Variants in ISOC1 observed in about 807,000 individuals in gnomAD.
The protein encoded by ISOC1 is isochorismatase domain-containing protein 1.
ISOC1 carries 33 observed loss-of-function variants against 30.0 expected under a neutral mutation model. The ratio of observed to expected loss-of-function variants is 1.10; its 90% confidence interval spans 0.83 to 1.47. ISOC1 has a LOEUF of 1.47. Among genes scored for constraint, ISOC1 ranks in the 40% most tolerant of loss-of-function variants. ISOC1 has a pLI of 0.00. For missense variants in ISOC1, 372 were observed against 388.0 expected, an observed-to-expected ratio of 0.96 and a Z score of 0.35; for synonymous variants, 178 against 159.8, an observed-to-expected ratio of 1.11 and a Z score of -0.86.
At chr5:129,098,652 C>T (rs537946498) in intron 1 of ISOC1, among the ~76,000 whole-genome samples, 1 of 152,150 alleles carries the variant, frequency 6.6e-6, no homozygotes, top group East Asian at 1.9e-4. Context: ...AGAAGGATGC[C>T]AGTGAGGGGA....
intron 4 of ISOC1, among the ~76,000 whole-genome samples, chr5:129,109,849 TAAC>T (rs965517149): frequency 1.3e-5 from 2 of 152,196 alleles, no homozygotes; most frequent in African/African-American, 4.8e-5. Context: ...CTGTAGAACA[TAAC>T]TACTGAAGAT....
At chr5:129,104,872 A>G in intron 1 of ISOC1, 84 bp from the exon 2 acceptor site, 2 of 1,403,922 alleles carry the variant, frequency 1.4e-6, no homozygotes, top group South Asian at 1.3e-5. Flanking sequence ...CAATAGGACC[A>G]TTTTTCTTCC....
rs572683536 is a variant in ISOC1, at chr5:129,094,846, C to A, written c.80C>A (p.Pro27Gln). 3 of 1,567,830 alleles carry A rather than the reference C, an allele frequency of 1.9e-6. No homozygotes were observed. The African/African-American group carries it at 4.0e-5, about 21-fold the overall frequency. Residue 27 changes from proline to glutamine, a missense_variant, in exon 1 of 5, where the codon CCG becomes CAG. Physicochemically the swap from Pro to Gln is moderately conservative, Grantham distance 76. Transcript: ENST00000173527. The part of the protein sequence containing the change: ...GGAGAPSGTV[P>Q]VLFCFSVFAR... ...GCGGGGGCGCCGTCGGGCACAGTCC[C>A]GGTGCTCTTCTGTTTCTCAGTCTTC...
intron 4 of ISOC1, 139 bp from the exon 5 acceptor site, chr5:129,112,716 A>C (rs942387222): frequency 4.8e-5 from 39 of 809,340 alleles, no homozygotes; most frequent in Admixed American, 1.5e-4. Context: ...CATCCCCATC[A>C]CTGAACTTGA....
intron 3 of ISOC1, 43 bp downstream of exon 3, chr5:129,105,431 GA>G: frequency 6.6e-7 from 1 of 1,505,560 alleles, no homozygotes; most frequent in Non-Finnish European, 9.2e-7. Context: ...ATTATTTATA[GA>G]AAACTCAATA....
intron 4 of ISOC1, among the ~76,000 whole-genome samples, chr5:129,109,665 A>T (rs1446216817): frequency 2.0e-5 from 3 of 152,194 alleles, no homozygotes; most frequent in African/African-American, 7.2e-5. Flanking sequence ...GTGGTGATTG[A>T]TAGGGAACAC....
At chr5:129,103,580 CAT>C (rs1470901700) in intron 1 of ISOC1, among the ~76,000 whole-genome samples, 1 of 152,074 alleles carries the variant, frequency 6.6e-6, no homozygotes, top group Non-Finnish European at 1.5e-5. Flanking sequence ...CAGACCAGGA[CAT>C]AGATAAAACA....
intron 1 of ISOC1, 109 bp from the exon 2 acceptor site, chr5:129,104,847 A>G (rs1288481399): frequency 1.0e-5 from 11 of 1,051,220 alleles, no homozygotes; most frequent in African/African-American, 1.6e-5. Context: ...GTAGAAATTG[A>G]CTTACTGGCT....
At chr5:129,108,495 A>G (rs913205633) in intron 4 of ISOC1, among the ~76,000 whole-genome samples, 8 of 150,392 alleles carry the variant, frequency 5.3e-5, no homozygotes, top group Admixed American at 6.6e-5. Flanking sequence ...CTCAACAAAG[A>G]CCTTTAATCC....
intron 1 of ISOC1, among the ~76,000 whole-genome samples, chr5:129,095,730 G>A (rs73232500): frequency 0.045 from 6,880 of 152,230 alleles, 526 homozygotes; most frequent in African/African-American, 0.16. Context: ...ATTCCTTCTT[G>A]AATACAAATA....
At chr5:129,101,638 A>T (rs1580787174) in intron 1 of ISOC1, among the ~76,000 whole-genome samples, 1 of 152,260 alleles carries the variant, frequency 6.6e-6, no homozygotes. Flanking sequence ...GGATTCCCTA[A>T]CATTAACATT....
rs751156628 is a variant in ISOC1 at position 129,095,023 on chromosome 5, G to A, written c.257G>A (p.Gly86Asp). ...EWGQYVDLPK[G>D]FAVSERCKVR... ...GGCCAGTACGTGGACTTGCCCAAGG[G>A]CTTCGCGGTGAGCGAGCGCTGCAAG... The change falls in exon 1 of 5, where the codon GGC becomes GAC. Residue 86 changes from glycine (G) to aspartate (D), a missense_variant. Coordinates refer to ENST00000173527, the MANE Select transcript of ISOC1 (RefSeq NM_016048.2). The A allele has an allele frequency of 1.2e-5, 19 of 1,600,560 alleles. No homozygotes were observed. Among genetic ancestry groups the A allele is most frequent in the Non-Finnish European group, 1.6e-5 (19 of 1,175,900 alleles).
At position 129,113,492 on chromosome 5, in the gene ISOC1, G is replaced by A. The variant is rs2150173009; in HGVS notation, c.*491G>A. ...ATTTACCCACAGGACTCTGAATCAT[G>A]TTACCCACTCCCCTCACAATGTTGT... On this transcript the variant is annotated 3_prime_UTR_variant, in exon 5 of 5. Coordinates refer to ENST00000173527, the MANE Select transcript of ISOC1 (RefSeq NM_016048.2). The A allele has an allele frequency of 6.5e-6, 1 of 152,906 alleles. No homozygotes were observed. The highest frequency in any genetic ancestry group is 3.4e-3 in the Middle Eastern group (1 of 294). The allele number at this position is 152,906 out of a possible 1,614,324, so 9.5% of individuals were successfully genotyped here. A position where few individuals can be genotyped will look rare whatever the true frequency, so the allele number is the denominator to read the frequency against.
chr5:129,103,789 T>C (rs771671191), intron 1 of ISOC1, among the ~76,000 whole-genome samples: 7 of 152,142 alleles, frequency 4.6e-5, no homozygotes, highest in Non-Finnish European at 1.0e-4. Context: ...ATAATAGTTA[T>C]CTGTAGGTGG....
intron 1 of ISOC1, among the ~76,000 whole-genome samples, chr5:129,099,029 G>A (rs1389427626): frequency 6.6e-6 from 1 of 152,034 alleles, no homozygotes; most frequent in Non-Finnish European, 1.5e-5. Flanking sequence ...GAGACAGCTG[G>A]ATCCTGAGGT....
chr5:129,097,220 A>G (rs987164852), intron 1 of ISOC1, among the ~76,000 whole-genome samples: 76 of 152,056 alleles, frequency 5.0e-4, no homozygotes, highest in African/African-American at 1.8e-3. Context: ...TTTCTCTTCT[A>G]TATTATCTCA....
At chr5:129,106,098 AGCCT>A (rs1383723471) in intron 3 of ISOC1, among the ~76,000 whole-genome samples, 10 of 152,210 alleles carry the variant, frequency 6.6e-5, no homozygotes, top group Non-Finnish European at 1.5e-4. Context: ...GTAAAGAAGA[AGCCT>A]GTTTTGTATA....
intron 3 of ISOC1, 129 bp downstream of exon 3, chr5:129,105,517 T>C: frequency 2.7e-6 from 2 of 735,900 alleles, no homozygotes; most frequent in Middle Eastern, 3.8e-4. Context: ...CCATGTATTA[T>C]GTTCACTATT....
intron 1 of ISOC1, among the ~76,000 whole-genome samples, chr5:129,103,533 G>C (rs1561422187): frequency 6.6e-6 from 1 of 152,154 alleles, no homozygotes; most frequent in African/African-American, 2.4e-5. Flanking sequence ...CATCTATAGA[G>C]TCAGTACCAG....
Sources: allele counts gnomAD v4.1 joint callset (sites outside exome capture counted in the v4.1 genomes callset), GRCh38; gene constraint gnomAD v4.1.1; transcripts MANE v1.5; gene names NCBI Gene and HGNC (gene_info 2026-07-23, HGNC 2026-07-21).